MITF: variants seen among roughly 807,000 people sequenced by gnomAD.
The protein encoded by MITF is melanocyte inducing transcription factor.
In MITF, 17 loss-of-function variants were observed where a neutral mutation model predicts 60.5. That is an observed-to-expected ratio of 0.28 (90% CI 0.19 to 0.42). The LOEUF (loss-of-function observed/expected upper bound fraction) is 0.42. Among genes scored for constraint, MITF ranks in the 10% least tolerant of loss-of-function variants. MITF has a pLI of 1.00. For missense variants in MITF, 622 were observed against 683.5 expected (o/e 0.91, Z 1.00); for synonymous variants, 260 against 248.5 (o/e 1.05, Z -0.43).
chr3:69,870,124 C>A (rs775305085), intron 1 of MITF, among the ~76,000 whole-genome samples: 2 of 150,100 alleles, frequency 1.3e-5, no homozygotes, highest in Non-Finnish European at 3.0e-5. Flanking sequence ...AGTACAGTTG[C>A]CGTAGTCAGT....
chr3:69,832,639 G>T (rs905862235), intron 1 of MITF, among the ~76,000 whole-genome samples: 1 of 152,110 alleles, frequency 6.6e-6, no homozygotes, highest in Non-Finnish European at 1.5e-5. Context: ...GTATATTGTT[G>T]TTTGCCTAGT....
chr3:69,825,801 A>G (rs182976027), intron 1 of MITF, among the ~76,000 whole-genome samples: 24 of 152,300 alleles, frequency 1.6e-4, no homozygotes, highest in African/African-American at 5.3e-4. Flanking sequence ...GTTGCTCTCA[A>G]GAGTGTCCAC....
intron 6 of MITF, among the ~76,000 whole-genome samples, chr3:69,950,539 CAT>C (rs1312154880): frequency 6.9e-6 from 1 of 144,266 alleles, no homozygotes; most frequent in Non-Finnish European, 1.5e-5. Context: ...TGGATGTATG[CAT>C]ATAGATATGC....
intron 2 of MITF, among the ~76,000 whole-genome samples, chr3:69,922,408 G>A (rs1022699442): frequency 8.5e-5 from 13 of 152,098 alleles, no homozygotes; most frequent in African/African-American, 3.1e-4. Context: ...TTTTAGTAAA[G>A]TTAGGGTTTC....
intron 2 of MITF, among the ~76,000 whole-genome samples, chr3:69,923,115 C>G (rs1248653336): frequency 6.6e-6 from 1 of 152,156 alleles, no homozygotes; most frequent in East Asian, 1.9e-4. Flanking sequence ...TACATAGGCC[C>G]TCTGAACAGT....
intron 2 of MITF, among the ~76,000 whole-genome samples, chr3:69,929,998 C>T (rs551541117): frequency 3.3e-5 from 5 of 152,170 alleles, no homozygotes; most frequent in South Asian, 2.1e-4. Context: ...GACCTACCCC[C>T]GCCCCCAACA....
chr3:69,779,925 T>C (rs1040018041), intron 1 of MITF, among the ~76,000 whole-genome samples: 1 of 152,102 alleles, frequency 6.6e-6, no homozygotes, highest in South Asian at 2.1e-4. Flanking sequence ...CTAGAATGGA[T>C]TGGAAAAAGA....
At chr3:69,915,717 G>A (rs565043533) in intron 2 of MITF, among the ~76,000 whole-genome samples, 3 of 152,268 alleles carry the variant, frequency 2.0e-5, no homozygotes, top group Admixed American at 1.3e-4. Flanking sequence ...TTGGAACCGG[G>A]AGCAGTACCT....
chr3:69,923,002 G>T (rs1020660974), intron 2 of MITF, among the ~76,000 whole-genome samples: 1 of 152,186 alleles, frequency 6.6e-6, no homozygotes, highest in African/African-American at 2.4e-5. Context: ...ATTGGGTAGC[G>T]TTTTGGTTTA....
At chr3:69,816,071 T>C (rs1382039949) in intron 1 of MITF, among the ~76,000 whole-genome samples, 1 of 152,170 alleles carries the variant, frequency 6.6e-6, no homozygotes, top group Non-Finnish European at 1.5e-5. Flanking sequence ...CTCTGAAAGT[T>C]GTTCAGTTTA....
chr3:69,943,317 T>C (rs1230896972), intron 5 of MITF, among the ~76,000 whole-genome samples: 1 of 152,004 alleles, frequency 6.6e-6, no homozygotes, highest in Non-Finnish European at 1.5e-5. Context: ...CAAAGCACAA[T>C]GGTTAGAATT....
At chr3:69,806,734 T>C (rs1488470787) in intron 1 of MITF, among the ~76,000 whole-genome samples, 1 of 152,192 alleles carries the variant, frequency 6.6e-6, no homozygotes, top group Non-Finnish European at 1.5e-5. Context: ...AGGACAGTGC[T>C]ATCCACTAAG....
chr3:69,906,803 A>G (rs778820272), intron 2 of MITF, among the ~76,000 whole-genome samples: 39 of 152,162 alleles, frequency 2.6e-4, no homozygotes, highest in Non-Finnish European at 4.6e-4. Flanking sequence ...ATATGCCCAG[A>G]TGGAGAGCAT....
intron 2 of MITF, among the ~76,000 whole-genome samples, chr3:69,928,120 C>G (rs2065635932): frequency 6.6e-6 from 1 of 152,126 alleles, no homozygotes; most frequent in Admixed American, 6.5e-5. Context: ...GCGGCATGCC[C>G]CAGGCAGTAG....
rs956758152 is a variant in MITF at position 69,824,465 on chromosome 3, G to A, written c.105-54669G>A. Among the ~76,000 whole-genome samples, 4 of 152,260 alleles carry A rather than the reference G, an allele frequency of 2.6e-5. No homozygotes were observed. The South Asian group carries it at 6.2e-4, about 24-fold the overall frequency. On this transcript the variant is annotated intron_variant, in intron 1 of 9. Coordinates refer to ENST00000352241, the MANE Select transcript of MITF (RefSeq NM_001354604.2). ...AAATTCACCCTTTATTGTCTGCTCTGTGAAAATGGACCTGAACTCTTTAAA... is the reference window on the plus strand; with the variant it reads ...AAATTCACCCTTTATTGTCTGCTCTATGAAAATGGACCTGAACTCTTTAAA...
intron 1 of MITF, among the ~76,000 whole-genome samples, chr3:69,845,123 G>C (rs1412995844): frequency 6.6e-6 from 1 of 151,862 alleles, no homozygotes; most frequent in Non-Finnish European, 1.5e-5. Context: ...TTTTTTTCTT[G>C]AATTATGTTT....
rs1429078351 is a variant in MITF at position 69,879,232 on chromosome 3, T to TGCAGGAGCAGGAGCGCAGGGA, written c.208_228dup (p.Glu70_Gln76dup). On this transcript the variant is annotated inframe_insertion, in exon 2 of 10. Transcript: ENST00000352241. The stretch of plus-strand genomic sequence containing the variant: ...CGCCAGCAACTCATGCGTGAGCAGA[T>TGCAGGAGCAGGAGCGCAGGGA]GCAGGAGCAGGAGCGCAGGGAGCAG... The TGCAGGAGCAGGAGCGCAGGGA allele has an allele frequency of 1.9e-6, 3 of 1,614,214 alleles. No homozygotes were observed. Among genetic ancestry groups the TGCAGGAGCAGGAGCGCAGGGA allele is most frequent in the Non-Finnish European group, 2.5e-6 (3 of 1,180,042 alleles).
At chr3:69,819,482 G>A (rs1047483656) in intron 1 of MITF, among the ~76,000 whole-genome samples, 1 of 152,238 alleles carries the variant, frequency 6.6e-6, no homozygotes, top group African/African-American at 2.4e-5. Flanking sequence ...ATGGCCCGAA[G>A]TGTGGCTGTG....
intron 1 of MITF, among the ~76,000 whole-genome samples, chr3:69,862,759 G>T (rs1220514507): frequency 6.6e-6 from 1 of 152,144 alleles, no homozygotes; most frequent in African/African-American, 2.4e-5. Context: ...TTTAGTTAAG[G>T]TTCAGCTTTT....
Sources: gnomAD v4.1 joint callset for allele counts (sites outside exome capture counted in the v4.1 genomes callset) on GRCh38, gnomAD v4.1.1 for gene constraint, MANE v1.5 for transcripts, NCBI Gene and HGNC (gene_info 2026-07-23, HGNC 2026-07-21) for gene names.